Variants in DMD observed in about 807,000 individuals in gnomAD.
The protein encoded by DMD is mutant dystrophin.
DMD carries 63 observed loss-of-function variants against 330.1 expected under a neutral mutation model. That is an observed-to-expected ratio of 0.19 (90% confidence interval 0.16 to 0.24). The LOEUF (loss-of-function observed/expected upper bound fraction) is 0.24. Among genes scored for constraint, DMD ranks in the 10% least tolerant of loss-of-function variants. DMD has a pLI of 1.00. For synonymous variants in DMD, 1,223 were observed against 959.8 expected (o/e 1.27, Z -5.07); for missense variants, 3,344 against 2,684.1 (o/e 1.25, Z -5.43).
Position 33,074,386 on chromosome X carries a change from T to C in DMD, c.32-54186A>G, listed in dbSNP as rs148037998. On this transcript the variant is annotated intron_variant, in intron 1 of 78. Transcript: ENST00000357033. ...CTCAATTAAACTCCTTTAACTTTAATTTGGCTCAAGTTTTTCTTTTAACAC... is the reference window on the plus strand; with the variant it reads ...CTCAATTAAACTCCTTTAACTTTAACTTGGCTCAAGTTTTTCTTTTAACAC... 6.5e-3 allele frequency among the ~76,000 whole-genome samples: 711 copies of C among 108,572 alleles called. 7 individuals carry two copies. Among genetic ancestry groups the C allele is most frequent in the African/African-American group, 0.024 (690 of 29,282 alleles). 94.3% of individuals were successfully genotyped at this position (108,572 alleles called of 115,157 possible).
intron 30 of DMD, among the ~76,000 whole-genome samples, chrX:32,393,699 C>A (rs1244636294): frequency 1.8e-5 from 2 of 110,599 alleles, no homozygotes; most frequent in African/African-American, 6.6e-5. Context: ...AAGAGAGAAC[C>A]ATGGAGAACA....
At chrX:32,645,858 G>A (rs369444159) in intron 9 of DMD, among the ~76,000 whole-genome samples, 45 of 112,168 alleles carry the variant, frequency 4.0e-4, no homozygotes, top group East Asian at 1.4e-3. Flanking sequence ...TGGAATTTCC[G>A]TCTGGACCCT....
At chrX:32,879,453 C>G in intron 2 of DMD, among the ~76,000 whole-genome samples, 1 of 112,120 alleles carries the variant, frequency 8.9e-6, no homozygotes, top group South Asian at 3.7e-4. Context: ...CAAATTACCA[C>G]TTTGTTCCCA....
intron 7 of DMD, among the ~76,000 whole-genome samples, chrX:32,750,899 C>T (rs778185805): frequency 7.2e-5 from 8 of 111,552 alleles, no homozygotes; most frequent in Non-Finnish European, 1.5e-4. Flanking sequence ...ATAAGTTTCA[C>T]AAAATCTGAT....
intron 49 of DMD, among the ~76,000 whole-genome samples, chrX:31,834,327 A>G (rs2093142491): frequency 8.9e-6 from 1 of 111,850 alleles, no homozygotes; most frequent in African/African-American, 3.3e-5. Flanking sequence ...AACCCCAGCT[A>G]ATCTTCAGAT....
intron 44 of DMD, among the ~76,000 whole-genome samples, chrX:32,203,228 C>G (rs5972508): frequency 0.056 from 6,277 of 112,207 alleles, 436 homozygotes; most frequent in African/African-American, 0.19. Context: ...AACTATTATG[C>G]TATATCATAA....
At chrX:32,760,082 ACT>A (rs1268751894) in intron 7 of DMD, among the ~76,000 whole-genome samples, 5 of 96,293 alleles carry the variant, frequency 5.2e-5, no homozygotes, top group Non-Finnish European at 8.4e-5. Flanking sequence ...TATACTTTTG[ACT>A]CTTGTAATTA....
At chrX:32,721,709 A>G (rs2066335963) in intron 7 of DMD, among the ~76,000 whole-genome samples, 1 of 110,869 alleles carries the variant, frequency 9.0e-6, no homozygotes, top group Non-Finnish European at 1.9e-5. Flanking sequence ...CCACTAGTTT[A>G]TTTTTGTTTT....
intron 1 of DMD, among the ~76,000 whole-genome samples, chrX:33,166,435 A>G (rs747826322): frequency 2.6e-4 from 29 of 111,728 alleles, no homozygotes; most frequent in Non-Finnish European, 5.1e-4. Flanking sequence ...TTATGGTGAA[A>G]TAATACAGCA....
At chrX:33,059,668 C>T (rs780881063) in intron 1 of DMD, among the ~76,000 whole-genome samples, 2 of 111,376 alleles carry the variant, frequency 1.8e-5, no homozygotes, top group African/African-American at 3.3e-5. Flanking sequence ...AAGCTCGAGC[C>T]CTAGCTTATT....
chrX:33,288,236 C>T (rs1338059689), intron 1 of DMD, among the ~76,000 whole-genome samples: 1 of 111,530 alleles, frequency 9.0e-6, no homozygotes, highest in Non-Finnish European at 1.9e-5. Flanking sequence ...TATAACTAGG[C>T]AGATCTCACA....
chrX:32,816,253 G>A (rs1216591275), intron 6 of DMD, among the ~76,000 whole-genome samples: 1 of 111,771 alleles, frequency 8.9e-6, no homozygotes, highest in Non-Finnish European at 1.9e-5. Context: ...CTCCGCTAAT[G>A]TTAATGTTTC....
chrX:32,464,055 G>A (rs2098392753), intron 24 of DMD, among the ~76,000 whole-genome samples: 1 of 111,564 alleles, frequency 9.0e-6, no homozygotes, highest in African/African-American at 3.3e-5. Flanking sequence ...TCTTCCTGCT[G>A]CATGACAATG....
chrX:33,107,979 T>C (rs1247531306), intron 1 of DMD, among the ~76,000 whole-genome samples: 1 of 111,357 alleles, frequency 9.0e-6, no homozygotes, highest in Admixed American at 9.6e-5. Context: ...AAGGAAAATA[T>C]GAATAAAAAG....
chrX:32,542,598 T>C (rs2048587746), intron 17 of DMD, among the ~76,000 whole-genome samples: 1 of 112,074 alleles, frequency 8.9e-6, no homozygotes, highest in Admixed American at 9.4e-5. Context: ...ATTCAACAGA[T>C]GGTCAAGACC....
At chrX:33,155,048 G>T (rs1397808221) in intron 1 of DMD, among the ~76,000 whole-genome samples, 2 of 111,918 alleles carry the variant, frequency 1.8e-5, no homozygotes, top group African/African-American at 6.5e-5. Flanking sequence ...AACTAACCTT[G>T]ATTTCTGCTT....
intron 11 of DMD, among the ~76,000 whole-genome samples, chrX:32,636,175 C>T (rs1250037751): frequency 8.9e-6 from 1 of 112,032 alleles, no homozygotes; most frequent in Non-Finnish European, 1.9e-5. Flanking sequence ...CTCCTCTTTA[C>T]AGCACCTTCT....
At chrX:32,059,674 G>A (rs1332208287) in intron 44 of DMD, among the ~76,000 whole-genome samples, 2 of 110,920 alleles carry the variant, frequency 1.8e-5, no homozygotes, top group Admixed American at 9.6e-5. Context: ...CAGTTGCAAC[G>A]GAAGTAGACT....
At chrX:31,582,036 T>C (rs935609959) in intron 55 of DMD, among the ~76,000 whole-genome samples, 1 of 111,790 alleles carries the variant, frequency 8.9e-6, no homozygotes, top group African/African-American at 3.2e-5. Context: ...CTGAAATATC[T>C]GGCACATGTA....
Sources: allele counts gnomAD v4.1 joint callset (sites outside exome capture counted in the v4.1 genomes callset), GRCh38; gene constraint gnomAD v4.1.1; transcripts MANE v1.5; gene names NCBI Gene and HGNC (gene_info 2026-07-23, HGNC 2026-07-21).